Variants in PLA2G4E observed in about 807,000 individuals in gnomAD.
PLA2G4E encodes cytosolic phospholipase A2 epsilon.
A neutral mutation model predicts 109.1 loss-of-function variants in PLA2G4E; 84 were observed. The ratio of observed to expected loss-of-function variants is 0.77; its 90% CI spans 0.65 to 0.92. The LOEUF (loss-of-function observed/expected upper bound fraction) is 0.92, where lower values mean the gene tolerates loss of function less well. PLA2G4E is among the 40% of genes least tolerant of loss of function. The pLI, the probability that PLA2G4E is intolerant of heterozygous loss-of-function variation, is 0.00. For synonymous variants in PLA2G4E, 469 were observed against 436.1 expected, an observed-to-expected ratio of 1.08 and a Z score of -0.94; for missense variants, 1,057 against 1,076.6, an observed-to-expected ratio of 0.98 and a Z score of 0.25.
intron 1 of PLA2G4E, among the ~76,000 whole-genome samples, chr15:42,024,329 A>G (rs2665203): frequency 0.87 from 132,507 of 152,190 alleles, 58,131 homozygotes; most frequent in African/African-American, 0.96. Flanking sequence ...TTGTCTCTGC[A>G]GCAAGGGGAG....
exon 6 of PLA2G4E, chr15:42,002,664 C>A: frequency 6.3e-7 from 1 of 1,585,262 alleles, no homozygotes; most frequent in Non-Finnish European, 8.6e-7. Context: ...CACCAGCACG[C>A]CATTGGTGAC....
At chr15:42,033,810 G>A (rs1249514612) in intron 1 of PLA2G4E, among the ~76,000 whole-genome samples, 2 of 152,204 alleles carry the variant, frequency 1.3e-5, no homozygotes, top group Non-Finnish European at 2.9e-5. Context: ...GGGTGGAGTG[G>A]GCCCTGGTGG....
At chr15:42,016,498 G>A (rs1200306385) in intron 1 of PLA2G4E, among the ~76,000 whole-genome samples, 3 of 151,884 alleles carry the variant, frequency 2.0e-5, no homozygotes, top group Non-Finnish European at 4.4e-5. Context: ...GACCACGCCC[G>A]GCTAATTTTT....
exon 8 of PLA2G4E, chr15:42,000,120 C>T (rs1198981882): frequency 4.4e-6 from 7 of 1,590,648 alleles, no homozygotes; most frequent in Non-Finnish European, 6.0e-6. Context: ...GCTCCAGTGA[C>T]TCTTGGGCAC....
Position 41,989,611 on chromosome 15 carries a change from C to A in PLA2G4E, c.1586-59G>T. On this transcript the variant is annotated intron_variant, in intron 14 of 19. Coordinates refer to ENST00000399518, the Ensembl canonical transcript of PLA2G4E. ...CAGGCCAGGGAGCCGTCCACACAGC[C>A]GGGCCCCCCTCCTGCCTGCAGCCAC... 9.0e-6 allele frequency: 14 copies of A among 1,553,106 alleles called. 1 individual carries two copies. The South Asian group carries it at 1.6e-4, about 18-fold the overall frequency.
At chr15:42,015,338 C>T (rs535432812) in intron 1 of PLA2G4E, among the ~76,000 whole-genome samples, 5 of 152,330 alleles carry the variant, frequency 3.3e-5, no homozygotes, top group South Asian at 2.1e-4. Flanking sequence ...ACCGAGGGAC[C>T]GCAGCGCTCT....
At chr15:42,016,299 A>G (rs908444397) in intron 1 of PLA2G4E, among the ~76,000 whole-genome samples, 2 of 140,166 alleles carry the variant, frequency 1.4e-5, no homozygotes, top group African/African-American at 5.4e-5. Flanking sequence ...TGGCTAGGGA[A>G]TCTTTTGATG....
At chr15:42,020,104 A>G (rs1595571902) in intron 1 of PLA2G4E, among the ~76,000 whole-genome samples, 1 of 152,318 alleles carries the variant, frequency 6.6e-6, no homozygotes, top group Admixed American at 6.5e-5. Flanking sequence ...GGCATTGGCC[A>G]CCACCCACCA....
chr15:41,999,498 G>A (rs760667107), intron 10 of PLA2G4E, 26 bp downstream of exon 10: 2 of 1,531,962 alleles, frequency 1.3e-6, no homozygotes, highest in Middle Eastern at 1.7e-4. Flanking sequence ...TAAGTGAGAG[G>A]CACGGACAGA....
At chr15:42,010,383 G>T in intron 2 of PLA2G4E, 1 of 263,932 alleles carries the variant, frequency 3.8e-6, no homozygotes. Flanking sequence ...GTCTAGTTAA[G>T]ATAAAGAAAT....
At position 41,983,981 on chromosome 15, in the gene PLA2G4E, G is replaced by T. The variant is rs1269941812; in HGVS notation, c.2387-7C>A. Reference sequence around the variant, plus strand: ...TCAGGGCTTCGCTCTACACCTGTGGGCAGCAGGATGACTTGTTATAGACTC... The same window carrying T: ...TCAGGGCTTCGCTCTACACCTGTGGTCAGCAGGATGACTTGTTATAGACTC... On this transcript the variant is annotated splice_region_variant and splice_polypyrimidine_tract_variant and intron_variant, in intron 19 of 19. Transcript: ENST00000399518. 1 of 1,593,596 alleles carries T rather than the reference G, an allele frequency of 6.3e-7. No homozygotes were observed. Among genetic ancestry groups the T allele is most frequent in the Non-Finnish European group, 8.6e-7 (1 of 1,169,202 alleles).
At chr15:42,020,275 G>A (rs1035090751) in intron 1 of PLA2G4E, among the ~76,000 whole-genome samples, 13 of 152,218 alleles carry the variant, frequency 8.5e-5, no homozygotes, top group African/African-American at 1.4e-4. Flanking sequence ...TGCTGCCTTC[G>A]AGGAACCAAC....
chr15:41,986,408 C>T (rs979616439), intron 17 of PLA2G4E, among the ~76,000 whole-genome samples: 4 of 152,134 alleles, frequency 2.6e-5, no homozygotes, highest in South Asian at 2.1e-4. Context: ...GCAGAGGAGG[C>T]GGCACTGAGC....
At chr15:42,018,008 T>A (rs1159094865) in intron 1 of PLA2G4E, among the ~76,000 whole-genome samples, 1 of 152,146 alleles carries the variant, frequency 6.6e-6, no homozygotes, top group Non-Finnish European at 1.5e-5. Flanking sequence ...GAATTGGGAC[T>A]GGGAAGGGGG....
intron 2 of PLA2G4E, among the ~76,000 whole-genome samples, chr15:42,012,433 T>C (rs889234775): frequency 2.0e-5 from 3 of 152,178 alleles, no homozygotes; most frequent in Admixed American, 6.5e-5. Flanking sequence ...AACCTCTTGT[T>C]GCAAAATGGG....
rs118171374 is a variant in PLA2G4E, at chr15:41,985,970, C to T, written c.2071G>A (p.Glu691Lys). Residue 691 changes from glutamate (E) to lysine (K), a missense_variant, in exon 18 of 20, where the codon GAG (glutamate) becomes AAG (lysine). Coordinates refer to ENST00000399518, the Ensembl canonical transcript of PLA2G4E. ...AGCAGGCACAGGTGGTTCGCGGACT[C>T]GGTCAGCTGGTTTGGGAAACCATCT... 2,592 of 1,602,154 alleles carry T rather than the reference C, an allele frequency of 1.6e-3. 4 individuals are homozygous for T. The highest frequency in any genetic ancestry group is 2.0e-3 in the Non-Finnish European group (2,293 of 1,174,114).
intron 19 of PLA2G4E, 135 bp from the exon 20 acceptor site, chr15:41,984,109 C>T (rs1224629464): frequency 3.8e-6 from 3 of 791,108 alleles, no homozygotes; most frequent in Admixed American, 2.2e-5. Context: ...TACACACGCA[C>T]ACCCTCACAC....
At chr15:42,021,879 A>G (rs1002711034) in intron 1 of PLA2G4E, among the ~76,000 whole-genome samples, 8 of 152,176 alleles carry the variant, frequency 5.3e-5, no homozygotes, top group Non-Finnish European at 1.0e-4. Flanking sequence ...ATTGAGGATG[A>G]GATCTGAACA....
At chr15:41,999,458 G>A (rs924194263) in intron 10 of PLA2G4E, 66 bp downstream of exon 10, 7 of 1,217,380 alleles carry the variant, frequency 5.8e-6, no homozygotes, top group Non-Finnish European at 8.5e-6. Context: ...AAACCACAGT[G>A]AGATACCACT....
Sources: gnomAD v4.1 joint callset for allele counts (sites outside exome capture counted in the v4.1 genomes callset) on GRCh38, gnomAD v4.1.1 for gene constraint, MANE v1.5 for transcripts, NCBI Gene and HGNC (gene_info 2026-07-23, HGNC 2026-07-21) for gene names.